The following PARD3B variants were observed in gnomAD, a reference collection of about 807,000 sequenced individuals.
PARD3B encodes the protein par-3 family cell polarity regulator beta.
PARD3B carries 103 observed loss-of-function variants against 130.2 expected under a neutral mutation model. The ratio of observed to expected loss-of-function variants is 0.79; its 90% CI spans 0.67 to 0.93. The LOEUF is 0.93. Ranked by LOEUF, PARD3B falls within the 40% of genes least tolerant of loss-of-function variation. The pLI is 0.00. For missense variants in PARD3B, 1,609 were observed against 1,499.2 expected (o/e 1.07, Z -1.21); for synonymous variants, 583 against 553.2 (o/e 1.05, Z -0.76).
chr2:205,171,520 C>T (rs963036285), intron 11 of PARD3B, among the ~76,000 whole-genome samples: 2 of 152,192 alleles, frequency 1.3e-5, no homozygotes, highest in Admixed American at 1.3e-4. Context: ...AGTGGTATTT[C>T]TTCCTGAAGA....
intron 3 of PARD3B, among the ~76,000 whole-genome samples, chr2:204,975,764 T>A (rs145209205): frequency 2.6e-5 from 4 of 152,232 alleles, no homozygotes; most frequent in Non-Finnish European, 5.9e-5. Flanking sequence ...CATTTTCCAG[T>A]TGAATGTCAA....
intron 19 of PARD3B, among the ~76,000 whole-genome samples, chr2:205,438,635 T>G (rs981345315): frequency 2.0e-5 from 3 of 152,188 alleles, no homozygotes; most frequent in African/African-American, 7.2e-5. Context: ...GTTATCTTCT[T>G]TATCAAAAAT....
intron 2 of PARD3B, among the ~76,000 whole-genome samples, chr2:204,924,499 T>C (rs1393701813): frequency 6.6e-6 from 1 of 152,050 alleles, no homozygotes; most frequent in Non-Finnish European, 1.5e-5. Context: ...ATTAAAAATA[T>C]ATGAAGATAT....
At chr2:204,718,309 T>G (rs1054754437) in intron 2 of PARD3B, among the ~76,000 whole-genome samples, 1 of 152,102 alleles carries the variant, frequency 6.6e-6, no homozygotes, top group Non-Finnish European at 1.5e-5. Context: ...TACTTGAGAC[T>G]GGGTAATTTA....
At chr2:205,089,040 A>T (rs1312103503) in intron 4 of PARD3B, among the ~76,000 whole-genome samples, 1 of 151,264 alleles carries the variant, frequency 6.6e-6, no homozygotes, top group African/African-American at 2.4e-5. Flanking sequence ...TGGCCTCGTG[A>T]TCCACCTGCC....
At chr2:204,998,348 A>G (rs866464535) in intron 3 of PARD3B, among the ~76,000 whole-genome samples, 4 of 78,456 alleles carry the variant, frequency 5.1e-5, no homozygotes, top group Non-Finnish European at 9.3e-5. Flanking sequence ...ATATATATAT[A>G]TATATATATA....
intron 21 of PARD3B, among the ~76,000 whole-genome samples, chr2:205,524,809 T>A (rs2106411266): frequency 6.6e-6 from 1 of 152,234 alleles, no homozygotes; most frequent in Non-Finnish European, 1.5e-5. Flanking sequence ...CCCAGGAGGG[T>A]TGGTTTTGAG....
At position 205,461,334 on chromosome 2, in the gene PARD3B, G is replaced by A. The variant is rs1039546839; in HGVS notation, c.3044+20662G>A. Among the ~76,000 whole-genome samples, 1 of 152,122 alleles carries A rather than the reference G, an allele frequency of 6.6e-6. No individual in the cohort carries two copies. Among genetic ancestry groups the A allele is most frequent in the Non-Finnish European group, 1.5e-5 (1 of 68,016 alleles). On this transcript the variant is annotated intron_variant, in intron 20 of 22. Transcript: ENST00000406610. This position sits in a 1 kb window ranked among gnomAD's most constrained non-coding sequence, Gnocchi z 4.3. Reference sequence around the variant, plus strand: ...GGCATGTGTGAAGAAGTGAAAGAAGGTCCTCTTACCAACACCAAGCAAGAG... The same window carrying A: ...GGCATGTGTGAAGAAGTGAAAGAAGATCCTCTTACCAACACCAAGCAAGAG...
rs765315815 is a variant in PARD3B, at chr2:205,301,672, A to G, written c.2601A>G (p.Ile867Met). Reference protein sequence around the residue: ...KEENEDPERKIKKKGFGAMLR... With the variant: ...KEENEDPERKMKKKGFGAMLR... The stretch of plus-strand genomic sequence containing the variant: ...AGAATGAAGATCCAGAAAGGAAAAT[A>G]AAGAAGAAGGGCTTCGGCGCCATGC... Residue 867 changes from isoleucine (I) to methionine (M), a missense_variant, in exon 18 of 23, where the codon ATA (isoleucine) becomes ATG (methionine). Coordinates refer to ENST00000406610, the MANE Select transcript of PARD3B (RefSeq NM_001302769.2). This position sits in a 1 kb window ranked among gnomAD's most constrained non-coding sequence, Gnocchi z 5.2. The G allele has an allele frequency of 1.1e-5, 17 of 1,613,884 alleles. No homozygotes were observed. The highest frequency in any genetic ancestry group is 1.7e-5 in the Admixed American group (1 of 59,986).
Position 205,473,256 on chromosome 2 carries a change from A to G in PARD3B, c.3045-26640A>G, listed in dbSNP as rs914512165. On this transcript the variant is annotated intron_variant, in intron 20 of 22. Transcript: ENST00000406610. The surrounding 1 kb of genome is among the most constrained non-coding windows in gnomAD (Gnocchi z 4.9). Reference sequence around the variant, plus strand: ...AATAAAAAGGGGACTGATTTCATAAATTTAGCATATTACGCATTGCAGCAT... The same window carrying G: ...AATAAAAAGGGGACTGATTTCATAAGTTTAGCATATTACGCATTGCAGCAT... 6.6e-6 allele frequency among the ~76,000 whole-genome samples: 1 copy of G among 152,132 alleles called. No individual in the cohort carries two copies. The highest frequency in any genetic ancestry group is 2.4e-5 in the African/African-American group (1 of 41,456).
In PARD3B at chr2:204,675,957, C is replaced by T. The variant is rs563066722; in HGVS notation, c.121-10224C>T. ...ATTAATACCTTTTCTATGGCTTAAC[C>T]TTTGTTAAGCCATACTGGTTTATAC... On this transcript the variant is annotated intron_variant, in intron 1 of 22. Transcript: ENST00000406610. This position sits in a 1 kb window ranked among gnomAD's most constrained non-coding sequence, Gnocchi z 4.4. Among the ~76,000 whole-genome samples, 1 of 151,036 alleles carries T rather than the reference C, an allele frequency of 6.6e-6. No individual in the cohort carries two copies. The highest frequency in any genetic ancestry group is 1.5e-5 in the Non-Finnish European group (1 of 67,914).
chr2:204,831,253 C>T (rs10203626), intron 2 of PARD3B, among the ~76,000 whole-genome samples: 5,586 of 152,254 alleles, frequency 0.037, 157 homozygotes, highest in South Asian at 0.074. Flanking sequence ...CTTTTAGCTG[C>T]ATTGCTGAGA....
intron 2 of PARD3B, among the ~76,000 whole-genome samples, chr2:204,737,239 C>T (rs1450130912): frequency 6.6e-6 from 1 of 152,242 alleles, no homozygotes; most frequent in Non-Finnish European, 1.5e-5. Context: ...GCTGGGATTA[C>T]AGGCATGAGC....
At chr2:204,772,098 A>G (rs1344599586) in intron 2 of PARD3B, among the ~76,000 whole-genome samples, 2 of 152,068 alleles carry the variant, frequency 1.3e-5, no homozygotes, top group African/African-American at 4.8e-5. Context: ...TTGAATATGG[A>G]GATTAGGCAA....
At chr2:205,324,051 T>C (rs1229194576) in intron 18 of PARD3B, among the ~76,000 whole-genome samples, 1 of 152,164 alleles carries the variant, frequency 6.6e-6, no homozygotes, top group East Asian at 1.9e-4. Flanking sequence ...GTTTAGATAC[T>C]TTCTTGAGTT....
At chr2:205,541,625 G>A (rs1559196766) in intron 21 of PARD3B, among the ~76,000 whole-genome samples, 1 of 152,054 alleles carries the variant, frequency 6.6e-6, no homozygotes, top group Admixed American at 6.6e-5. Flanking sequence ...TGGGATTACA[G>A]GCGTGAGCCA....
At chr2:204,710,312 C>T (rs1443631486) in intron 2 of PARD3B, among the ~76,000 whole-genome samples, 2 of 152,186 alleles carry the variant, frequency 1.3e-5, no homozygotes, top group African/African-American at 4.8e-5. Flanking sequence ...TAAGAAATGC[C>T]GTTTCCATAT....
chr2:204,863,744 A>G (rs1369513724), intron 2 of PARD3B, among the ~76,000 whole-genome samples: 3 of 152,246 alleles, frequency 2.0e-5, no homozygotes, highest in Non-Finnish European at 4.4e-5. Flanking sequence ...CTCAATGTGC[A>G]TGAAATTTGC....
chr2:204,807,126 C>T (rs144468491), intron 2 of PARD3B, among the ~76,000 whole-genome samples: 10 of 152,098 alleles, frequency 6.6e-5, no homozygotes, highest in East Asian at 1.9e-4. Context: ...GAGACTTATT[C>T]GCTCTCATGA....
Sources: gnomAD v4.1 joint callset for allele counts (sites outside exome capture counted in the v4.1 genomes callset) on GRCh38, gnomAD v4.1.1 for gene constraint, Gnocchi (gnomAD v3.1) non-coding constraint, MANE v1.5 for transcripts, NCBI Gene and HGNC (gene_info 2026-07-23, HGNC 2026-07-21) for gene names.